The following PDE7A variants were observed in gnomAD, a reference collection of about 807,000 sequenced individuals.
PDE7A encodes the protein phosphodiesterase 7A.
PDE7A carries 39 observed loss-of-function variants against 64.3 expected under a neutral mutation model. The ratio of observed to expected loss-of-function variants is 0.61; its 90% CI spans 0.47 to 0.79. The LOEUF (loss-of-function observed/expected upper bound fraction) is 0.79, where lower values mean the gene tolerates loss of function less well. Ranked by LOEUF, PDE7A falls within the 30% of genes least tolerant of loss-of-function variation. PDE7A has a pLI of 0.00. For synonymous variants in PDE7A, 203 were observed against 206.8 expected (o/e 0.98, Z 0.16); for missense variants, 470 against 582.8 (o/e 0.81, Z 1.99).
Position 65,841,355 on chromosome 8 carries a change from C to T in PDE7A, c.138+16G>A. On this transcript the variant is annotated intron_variant, in intron 1 of 12. Transcript: ENST00000401827. ...AGAGAGAAGCCCTCAAGTGTGGGCCCGGCGGCGGCGATTACCTGAGAGAGC... is the reference window on the plus strand; with the variant it reads ...AGAGAGAAGCCCTCAAGTGTGGGCCTGGCGGCGGCGATTACCTGAGAGAGC... 2 of 1,523,008 alleles carry T rather than the reference C, an allele frequency of 1.3e-6. No homozygotes were observed. Among genetic ancestry groups the T allele is most frequent in the Non-Finnish European group, 1.8e-6 (2 of 1,137,158 alleles). 94.3% of individuals were successfully genotyped at this position (1,523,008 alleles called of 1,614,324 possible). A position where few individuals can be genotyped will look rare whatever the true frequency, so the allele number is the denominator to read the frequency against.
intron 3 of PDE7A, among the ~76,000 whole-genome samples, chr8:65,769,315 G>C (rs1391170018): frequency 6.7e-6 from 1 of 149,182 alleles, no homozygotes; most frequent in African/African-American, 2.5e-5. Context: ...TGTTATGAAA[G>C]TCTGCATGAT....
intron 1 of PDE7A, among the ~76,000 whole-genome samples, chr8:65,834,548 C>T (rs886300297): frequency 2.0e-5 from 3 of 152,182 alleles, no homozygotes; most frequent in African/African-American, 4.8e-5. Flanking sequence ...TTAAGAACCA[C>T]TTGCCAAGTA....
intron 1 of PDE7A, among the ~76,000 whole-genome samples, chr8:65,783,884 T>C (rs1275013087): frequency 6.6e-6 from 1 of 152,094 alleles, no homozygotes; most frequent in Non-Finnish European, 1.5e-5. Context: ...GAAGATAAAA[T>C]TGATCAAACC....
At chr8:65,775,300 T>A (rs73240791) in intron 3 of PDE7A, among the ~76,000 whole-genome samples, 182 of 152,348 alleles carry the variant, frequency 1.2e-3, no homozygotes, top group African/African-American at 4.1e-3. Flanking sequence ...CTTTAACAAC[T>A]ACTTTATCTT....
chr8:65,760,938 C>CG (rs34132074), intron 3 of PDE7A, among the ~76,000 whole-genome samples: 94,553 of 152,034 alleles, frequency 0.62, 30,864 homozygotes, highest in Non-Finnish European at 0.7. Flanking sequence ...AGAGAGGATA[C>CG]ATGAGGAACT....
intron 9 of PDE7A, among the ~76,000 whole-genome samples, chr8:65,725,157 C>G (rs926129729): frequency 6.6e-6 from 1 of 151,872 alleles, no homozygotes; most frequent in African/African-American, 2.4e-5. Context: ...TGCAAACATT[C>G]CAAAAGGAGA....
intron 1 of PDE7A, among the ~76,000 whole-genome samples, chr8:65,830,169 CA>C (rs1287177499): frequency 2.6e-5 from 4 of 152,006 alleles, no homozygotes; most frequent in African/African-American, 9.7e-5. Context: ...TCCAGGTGGA[CA>C]AAAGGACACT....
chr8:65,832,160 A>C (rs969129879), intron 1 of PDE7A, among the ~76,000 whole-genome samples: 1 of 152,194 alleles, frequency 6.6e-6, no homozygotes, highest in Admixed American at 6.5e-5. Context: ...CAAATTCTTC[A>C]AATCATTTTA....
At chr8:65,827,665 A>G (rs2128933742) in intron 1 of PDE7A, among the ~76,000 whole-genome samples, 1 of 152,288 alleles carries the variant, frequency 6.6e-6, no homozygotes, top group African/African-American at 2.4e-5. Context: ...TTTTTAGTGT[A>G]TCTTTTCTAT....
chr8:65,765,284 T>TA (rs1198700151), intron 3 of PDE7A, among the ~76,000 whole-genome samples: 1 of 150,782 alleles, frequency 6.6e-6, no homozygotes, highest in Admixed American at 6.6e-5. Context: ...GGTCAGGAGA[T>TA]CGAGACCATC....
intron 7 of PDE7A, chr8:65,728,067 A>C (rs1806682785): frequency 2.0e-5 from 3 of 152,210 alleles, no homozygotes. Context: ...TTTTCTGGCA[A>C]ACTTGGCCAG....
chr8:65,799,613 G>A (rs1334516303), intron 1 of PDE7A, among the ~76,000 whole-genome samples: 1 of 152,164 alleles, frequency 6.6e-6, no homozygotes, highest in Non-Finnish European at 1.5e-5. Context: ...GGATTTAAGA[G>A]GTTGATTTGC....
chr8:65,729,497 A>T (rs1244366972), intron 7 of PDE7A, among the ~76,000 whole-genome samples: 1 of 151,392 alleles, frequency 6.6e-6, no homozygotes, highest in Non-Finnish European at 1.5e-5. Context: ...GGAGGAGAGC[A>T]GTTTAGTGAC....
intron 6 of PDE7A, among the ~76,000 whole-genome samples, chr8:65,735,979 G>A (rs1039039066): frequency 6.6e-6 from 1 of 152,030 alleles, no homozygotes; most frequent in Admixed American, 6.6e-5. Flanking sequence ...TATTCTTGGG[G>A]GATATGTTCC....
At chr8:65,823,924 A>G (rs1397119971) in intron 1 of PDE7A, among the ~76,000 whole-genome samples, 1 of 152,178 alleles carries the variant, frequency 6.6e-6, no homozygotes, top group East Asian at 1.9e-4. Flanking sequence ...GTTTCCCACA[A>G]ATATGACAAA....
At chr8:65,816,907 C>A (rs1810419142) in intron 1 of PDE7A, among the ~76,000 whole-genome samples, 1 of 152,166 alleles carries the variant, frequency 6.6e-6, no homozygotes, top group South Asian at 2.1e-4. Context: ...TCCAAAAGGT[C>A]ATTTTTCTGA....
intron 1 of PDE7A, among the ~76,000 whole-genome samples, chr8:65,825,668 T>C (rs1250831251): frequency 2.0e-5 from 3 of 152,218 alleles, no homozygotes; most frequent in African/African-American, 4.8e-5. Context: ...GAATACAATT[T>C]GGGATTCATC....
At chr8:65,814,242 T>C (rs542420319) in intron 1 of PDE7A, among the ~76,000 whole-genome samples, 8 of 152,212 alleles carry the variant, frequency 5.3e-5, no homozygotes, top group East Asian at 3.9e-4. Context: ...CCGGGCGCGG[T>C]GGCTCACGCC....
intron 2 of PDE7A, among the ~76,000 whole-genome samples, chr8:65,781,606 G>A (rs1026777453): frequency 3.3e-5 from 5 of 152,126 alleles, no homozygotes; most frequent in African/African-American, 9.7e-5. Context: ...AATATGGAGT[G>A]TGTAAGAAAT....
Sources: gnomAD v4.1 joint callset for allele counts (sites outside exome capture counted in the v4.1 genomes callset) on GRCh38, gnomAD v4.1.1 for gene constraint, MANE v1.5 for transcripts, NCBI Gene and HGNC (gene_info 2026-07-23, HGNC 2026-07-21) for gene names.